TNNI3K: variants seen among roughly 807,000 people sequenced by gnomAD.
The protein encoded by TNNI3K is TNNI3 interacting kinase.
In TNNI3K, 140 loss-of-function variants were observed where a neutral mutation model predicts 114.5. That is an observed-to-expected ratio of 1.22 (90% CI 1.07 to 1.41). The LOEUF is 1.41. Among genes scored for constraint, TNNI3K ranks in the 40% most tolerant of loss-of-function variants. The pLI is 0.00. For missense variants in TNNI3K, 1,125 were observed against 1,007.6 expected, an observed-to-expected ratio of 1.12 and a Z score of -1.58; for synonymous variants, 347 against 347.5, an observed-to-expected ratio of 1.00 and a Z score of 0.02.
intron 21 of TNNI3K, among the ~76,000 whole-genome samples, chr1:74,481,934 G>A (rs1414344337): frequency 2.6e-5 from 4 of 152,104 alleles, no homozygotes; most frequent in Admixed American, 2.0e-4. Context: ...AGACTGCATC[G>A]CGGAAACAAA....
chr1:74,310,667 A>G (rs1334752095), intron 5 of TNNI3K, among the ~76,000 whole-genome samples: 1 of 152,042 alleles, frequency 6.6e-6, no homozygotes, highest in Non-Finnish European at 1.5e-5. Flanking sequence ...AAAGAATAAA[A>G]CCATACACTT....
chr1:74,365,376 G>A (rs1358021263), intron 11 of TNNI3K, among the ~76,000 whole-genome samples: 1 of 152,042 alleles, frequency 6.6e-6, no homozygotes, highest in Non-Finnish European at 1.5e-5. Flanking sequence ...GATTGCTGAT[G>A]AGCATCACCT....
chr1:74,457,613 A>C (rs1000449295), intron 20 of TNNI3K, among the ~76,000 whole-genome samples: 1 of 152,226 alleles, frequency 6.6e-6, no homozygotes, highest in Non-Finnish European at 1.5e-5. Context: ...AAGTTGAAAA[A>C]TTAAGATACT....
At chr1:74,439,456 G>C in intron 19 of TNNI3K, 34 bp from the exon 20 acceptor site, 1 of 1,601,460 alleles carries the variant, frequency 6.2e-7, no homozygotes, top group Non-Finnish European at 8.5e-7. Flanking sequence ...CCAAACACTT[G>C]GTAAATGGCT....
chr1:74,505,832 T>A (rs1027218744), intron 23 of TNNI3K, among the ~76,000 whole-genome samples: 2 of 152,176 alleles, frequency 1.3e-5, no homozygotes, highest in Non-Finnish European at 2.9e-5. Flanking sequence ...GGAATGAAAA[T>A]CTTCACCATT....
intron 17 of TNNI3K, among the ~76,000 whole-genome samples, chr1:74,387,779 A>T (rs764984386): frequency 6.6e-6 from 1 of 152,118 alleles, no homozygotes; most frequent in Non-Finnish European, 1.5e-5. Flanking sequence ...CTAAACATCA[A>T]TTTTTTCATT....
At chr1:74,246,266 T>C (rs1645066015) in intron 2 of TNNI3K, among the ~76,000 whole-genome samples, 2 of 152,236 alleles carry the variant, frequency 1.3e-5, no homozygotes, top group Admixed American at 6.5e-5. Flanking sequence ...ATTATGGATG[T>C]CTTGGAAGAA....
chr1:74,295,301 A>G (rs1429707565), intron 5 of TNNI3K, among the ~76,000 whole-genome samples: 1 of 152,146 alleles, frequency 6.6e-6, no homozygotes, highest in African/African-American at 2.4e-5. Flanking sequence ...ATTTTGGCAA[A>G]TGTTCTCTGC....
intron 5 of TNNI3K, among the ~76,000 whole-genome samples, chr1:74,327,805 A>G (rs1659992191): frequency 6.7e-6 from 1 of 149,892 alleles, no homozygotes; most frequent in Non-Finnish European, 1.5e-5. Context: ...ATATCCTTAA[A>G]GTGTTTAAAG....
chr1:74,496,610 AATT>A (rs200661236), intron 23 of TNNI3K, among the ~76,000 whole-genome samples: 2,721 of 152,080 alleles, frequency 0.018, 47 homozygotes, highest in Middle Eastern at 0.051. Context: ...ATTTGTTTCT[AATT>A]ATTATTATTC....
At chr1:74,273,408 G>C (rs1352564864) in intron 5 of TNNI3K, among the ~76,000 whole-genome samples, 1 of 151,946 alleles carries the variant, frequency 6.6e-6, no homozygotes, top group Non-Finnish European at 1.5e-5. Flanking sequence ...AAGTAAATGA[G>C]TGGTAAACAT....
In TNNI3K at chr1:74,271,700, C is replaced by A. The variant is rs148184992; in HGVS notation, c.436C>A (p.His146Asn). 41 of 1,605,656 alleles carry A rather than the reference C, an allele frequency of 2.6e-5. No individual in the cohort carries two copies. The African/African-American group carries it at 4.7e-4, about 18-fold the overall frequency. ...CCTCCATATTGCTACAATAGCTGGCCACCTAGAGGTAAGTCATGCCTTTGG... is the reference window on the plus strand; with the variant it reads ...CCTCCATATTGCTACAATAGCTGGCAACCTAGAGGTAAGTCATGCCTTTGG... ...TALHIATIAG[H>N]LEAADVLLQH... Residue 146 changes from histidine (H) to asparagine (N), a missense_variant, in exon 5 of 25, where the codon CAC (histidine) becomes AAC (asparagine). His to Asn is a moderately conservative substitution (Grantham distance 68). Transcript: ENST00000326637.
intron 17 of TNNI3K, among the ~76,000 whole-genome samples, chr1:74,388,320 A>G (rs1663594626): frequency 6.6e-6 from 1 of 152,122 alleles, no homozygotes; most frequent in African/African-American, 2.4e-5. Context: ...CCACTCTCCT[A>G]CCCAACAAAT....
chr1:74,474,723 G>A lies in TNNI3K; in HGVS notation c.2121+11173G>A, dbSNP rs890495565. Among the ~76,000 whole-genome samples the A allele has an allele frequency of 1.9e-4, 29 of 152,040 alleles. No individual in the cohort carries two copies. In the South Asian group the frequency reaches 2.5e-3, roughly 13 times the overall value. On this transcript the variant is annotated intron_variant, in intron 21 of 24. Transcript: ENST00000326637. The stretch of plus-strand genomic sequence containing the variant: ...CCCATGTACAGTGGGTAGATGTCAC[G>A]GCCAGATTCACTTGGCTCCCAGTGT...
At chr1:74,452,392 T>C (rs1667064750) in intron 20 of TNNI3K, among the ~76,000 whole-genome samples, 1 of 152,198 alleles carries the variant, frequency 6.6e-6, no homozygotes, top group African/African-American at 2.4e-5. Context: ...TCTCGTTCTC[T>C]AGGTGGCCCA....
intron 21 of TNNI3K, chr1:74,480,140 C>T: frequency 1.4e-6 from 1 of 710,334 alleles, no homozygotes; most frequent in Non-Finnish European, 2.6e-6. Context: ...GGGCACACTT[C>T]TCCCCGGCAT....
At chr1:74,276,789 T>C (rs1187678697) in intron 5 of TNNI3K, among the ~76,000 whole-genome samples, 19 of 152,176 alleles carry the variant, frequency 1.2e-4, no homozygotes, top group Admixed American at 1.2e-3. Flanking sequence ...TTGTGAATTC[T>C]ATTAAACAAT....
At chr1:74,241,886 G>C (rs1654245657) in intron 2 of TNNI3K, among the ~76,000 whole-genome samples, 1 of 137,692 alleles carries the variant, frequency 7.3e-6, no homozygotes, top group Non-Finnish European at 1.5e-5. Flanking sequence ...GTCTCGCTCT[G>C]TCGCCCAGGC....
At chr1:74,319,783 C>G (rs996903399) in intron 5 of TNNI3K, among the ~76,000 whole-genome samples, 1 of 149,706 alleles carries the variant, frequency 6.7e-6, no homozygotes, top group African/African-American at 2.5e-5. Flanking sequence ...GGGTTATGCC[C>G]CCTACTATTA....
Sources: gnomAD v4.1 joint callset for allele counts (sites outside exome capture counted in the v4.1 genomes callset) on GRCh38, gnomAD v4.1.1 for gene constraint, MANE v1.5 for transcripts, NCBI Gene and HGNC (gene_info 2026-07-23, HGNC 2026-07-21) for gene names.